The following DCBLD1 variants were observed in gnomAD, a reference collection of about 807,000 sequenced individuals.
DCBLD1 encodes the protein discoidin, CUB and LCCL domain-containing protein 1.
A neutral mutation model predicts 71.5 loss-of-function variants in DCBLD1; 57 were observed. That is an observed-to-expected ratio of 0.80 (90% CI 0.64 to 0.99). The LOEUF (loss-of-function observed/expected upper bound fraction) is 0.99. DCBLD1 is among the 50% of genes least tolerant of loss of function. The pLI is 0.00. For missense variants in DCBLD1, 891 were observed against 923.5 expected (o/e 0.96, Z 0.46); for synonymous variants, 380 against 363.8 (o/e 1.04, Z -0.51).
chr6:117,502,334 C>G (rs1050484942), intron 1 of DCBLD1, among the ~76,000 whole-genome samples: 1 of 152,228 alleles, frequency 6.6e-6, no homozygotes, highest in Non-Finnish European at 1.5e-5. Flanking sequence ...TCTATTTCCC[C>G]AATTCAGCCC....
At chr6:117,551,159 T>G (rs921926851), downstream of DCBLD1, among the ~76,000 whole-genome samples, 2 of 152,210 alleles carry the variant, frequency 1.3e-5, no homozygotes, top group African/African-American at 4.8e-5. Context: ...TTTGGTATTC[T>G]GCAATTTTAC....
chr6:117,545,744 A>T (rs2114569363), intron 14 of DCBLD1, 147 bp downstream of exon 14: 6 of 1,208,702 alleles, frequency 5.0e-6, no homozygotes, highest in Non-Finnish European at 6.8e-6. Context: ...TTCTGCACAG[A>T]ATTACAAACT....
At chr6:117,483,350 C>A (rs1468325344) in intron 1 of DCBLD1, among the ~76,000 whole-genome samples, 1 of 152,216 alleles carries the variant, frequency 6.6e-6, no homozygotes, top group Non-Finnish European at 1.5e-5. Flanking sequence ...CCCTCCCTGC[C>A]GTCGCTCCTC....
In DCBLD1 at chr6:117,549,588, G is replaced by A. The variant is rs1779388940; in HGVS notation, c.*1149G>A. On this transcript the variant is annotated 3_prime_UTR_variant, in exon 15 of 15. Coordinates refer to ENST00000338728, the MANE Select transcript of DCBLD1 (RefSeq NM_001366458.2). Reference sequence around the variant, plus strand: ...TGTGTGTTTTTTTAATAGAAAATATGGACCAAAAATTTTTTTCCCTGAAGA... The same window carrying A: ...TGTGTGTTTTTTTAATAGAAAATATAGACCAAAAATTTTTTTCCCTGAAGA... The A allele has an allele frequency of 1.3e-5, 13 of 985,012 alleles. No individual in the cohort carries two copies. The highest frequency in any genetic ancestry group is 1.6e-5 in the Non-Finnish European group (13 of 829,876). 61.0% of individuals were successfully genotyped at this position (985,012 alleles called of 1,614,324 possible).
rs76080980 is a variant in DCBLD1, at chr6:117,532,248, G to A, written c.586-12G>A. The A allele has an allele frequency of 0.035, 55,949 of 1,582,432 alleles. 1,155 individuals carry two copies. The highest frequency in any genetic ancestry group is 0.045 in the East Asian group (2,013 of 44,602). ...CTTTTAAGTTCTGCATAATGATGTT[G>A]CTGTGTTTCAGACCTCTTTATTGTG... On this transcript the variant is annotated splice_polypyrimidine_tract_variant and intron_variant, in intron 5 of 14. Transcript: ENST00000338728.
At chr6:117,552,078 C>G (rs1415965035), downstream of DCBLD1, among the ~76,000 whole-genome samples, 1 of 152,164 alleles carries the variant, frequency 6.6e-6, no homozygotes, top group Non-Finnish European at 1.5e-5. Context: ...CAAGATCACG[C>G]CACGGCACTC....
At chr6:117,484,041 C>T (rs1777000026) in intron 1 of DCBLD1, among the ~76,000 whole-genome samples, 1 of 152,194 alleles carries the variant, frequency 6.6e-6, no homozygotes, top group Non-Finnish European at 1.5e-5. Context: ...TAGCACAATA[C>T]TAGGCAGATT....
At position 117,482,748 on chromosome 6, in the gene DCBLD1, G is replaced by T; in HGVS notation, c.-34G>T. ...TGCGGCTCGGGATCCGTCGAGGGGA[G>T]GCCGAGCTTGCCAAGCTGGCGCCCA... On this transcript the variant is annotated 5_prime_UTR_variant, in exon 1 of 15. It adds an upstream start codon to the 5' untranslated region. Coordinates refer to ENST00000338728, the MANE Select transcript of DCBLD1 (RefSeq NM_001366458.2). The T allele has an allele frequency of 8.9e-7, 1 of 1,124,696 alleles. No individual in the cohort carries two copies. The highest frequency in any genetic ancestry group is 4.3e-5 in the South Asian group (1 of 22,990). 69.7% of individuals were successfully genotyped at this position (1,124,696 alleles called of 1,614,324 possible).
downstream of DCBLD1, among the ~76,000 whole-genome samples, chr6:117,554,697 G>A (rs1318526144): frequency 6.6e-6 from 1 of 152,036 alleles, no homozygotes; most frequent in Non-Finnish European, 1.5e-5. Context: ...GATCGAGACT[G>A]TCCTGGCCAA....
In DCBLD1 at chr6:117,563,298, T is replaced by C. The variant is rs1185087350; in HGVS notation, c.1616-6322T>C. The stretch of plus-strand genomic sequence containing the variant: ...TACAGAGTGTGCAGATCATCTAATT[T>C]TGAAGCACCGTCATCTAGCGGAGTT... On this transcript the variant is annotated intron_variant, in intron 14 of 14. Coordinates refer to the DCBLD1 transcript ENST00000296955. The C allele has an allele frequency of 2.5e-6, 4 of 1,613,186 alleles. No homozygotes were observed. In the African/African-American group the frequency reaches 5.3e-5, roughly 22 times the overall value.
intron 1 of DCBLD1, among the ~76,000 whole-genome samples, chr6:117,484,600 C>T (rs754216510): frequency 3.3e-5 from 5 of 152,130 alleles, no homozygotes; most frequent in South Asian, 4.1e-4. Context: ...CCACCCACCC[C>T]GGCCTCCCAA....
intron 2 of DCBLD1, among the ~76,000 whole-genome samples, chr6:117,519,065 T>C (rs1160141481): frequency 5.9e-5 from 9 of 152,214 alleles, no homozygotes; most frequent in Admixed American, 5.9e-4. Flanking sequence ...GTCTTGCGTA[T>C]GTTACTTTCG....
Position 117,548,471 on chromosome 6 carries a change from G to A in DCBLD1, c.*32G>A, listed in dbSNP as rs1423698789. 1 of 1,549,016 alleles carries A rather than the reference G, an allele frequency of 6.5e-7. No individual in the cohort carries two copies. The highest frequency in any genetic ancestry group is 1.2e-5 in the South Asian group (1 of 84,022). ...TGTGAAAGAAGCCTGCTGTGGTACTGAGCGTCGGGCTGTCACAAGGCACTG... is the reference window on the plus strand; with the variant it reads ...TGTGAAAGAAGCCTGCTGTGGTACTAAGCGTCGGGCTGTCACAAGGCACTG... On this transcript the variant is annotated 3_prime_UTR_variant, in exon 15 of 15. Coordinates refer to ENST00000338728, the MANE Select transcript of DCBLD1 (RefSeq NM_001366458.2).
chr6:117,530,784 T>G (rs1056326790), intron 5 of DCBLD1, among the ~76,000 whole-genome samples: 1 of 152,212 alleles, frequency 6.6e-6, no homozygotes, highest in African/African-American at 2.4e-5. Context: ...TAAGAAAGCT[T>G]TTTAATGAAA....
At chr6:117,494,793 C>A (rs1199976569) in intron 1 of DCBLD1, 1 of 152,152 alleles carries the variant, frequency 6.6e-6, no homozygotes, top group Non-Finnish European at 1.5e-5. Context: ...CACGTAAGAT[C>A]TTCAATCCCA....
intron 7 of DCBLD1, among the ~76,000 whole-genome samples, chr6:117,537,987 A>C (rs1211334971): frequency 6.6e-6 from 1 of 152,248 alleles, no homozygotes; most frequent in African/African-American, 2.4e-5. Flanking sequence ...AAAGTTACTG[A>C]AAATGAGTAT....
intron 2 of DCBLD1, among the ~76,000 whole-genome samples, chr6:117,518,352 C>T (rs1197676895): frequency 6.6e-6 from 1 of 152,190 alleles, no homozygotes; most frequent in Non-Finnish European, 1.5e-5. Context: ...TTGGGCAAAA[C>T]CATTCAACAA....
At chr6:117,551,273 T>A (rs1426359534), downstream of DCBLD1, among the ~76,000 whole-genome samples, 1 of 152,212 alleles carries the variant, frequency 6.6e-6, no homozygotes, top group Non-Finnish European at 1.5e-5. Context: ...GCCCTTTTTT[T>A]TGGTTGTTTT....
intron 14 of DCBLD1, chr6:117,567,042 A>G (rs1301224746): frequency 5.8e-6 from 9 of 1,548,156 alleles, no homozygotes; most frequent in Non-Finnish European, 6.9e-6. Flanking sequence ...TCTCTAAAAC[A>G]GGAAATGAAA....
Sources: allele counts gnomAD v4.1 joint callset (sites outside exome capture counted in the v4.1 genomes callset), GRCh38; gene constraint gnomAD v4.1.1; transcripts MANE v1.5; gene names NCBI Gene and HGNC (gene_info 2026-07-23, HGNC 2026-07-21).